The following OR5A1 variants were observed in gnomAD, a reference collection of about 807,000 sequenced individuals.
The protein encoded by OR5A1 is olfactory receptor 5A1.
A neutral mutation model predicts 6.7 loss-of-function variants in OR5A1; 6 were observed. The observed-to-expected ratio is 0.89, with a 90% confidence interval of 0.49 to 1.76. OR5A1 has a LOEUF of 1.76. Ranked by LOEUF, OR5A1 falls within the 40% of genes most tolerant of loss-of-function variation. OR5A1 has a pLI of 0.01. For synonymous variants in OR5A1, 170 were observed against 155.0 expected, an observed-to-expected ratio of 1.10 and a Z score of -0.72; for missense variants, 378 against 381.7, an observed-to-expected ratio of 0.99 and a Z score of 0.08.
rs1035183451 is a variant in OR5A1, at chr11:59,446,456, T to C, written c.*2340T>C. 2 of 152,236 alleles carry C rather than the reference T, an allele frequency of 1.3e-5. No homozygotes were observed. The highest frequency in any genetic ancestry group is 4.8e-5 in the African/African-American group (2 of 41,464). The allele number at this position is 152,236 out of a possible 1,614,324, so 9.4% of individuals were successfully genotyped here. A position where few individuals can be genotyped will look rare whatever the true frequency, so the allele number is the denominator to read the frequency against. The stretch of plus-strand genomic sequence containing the variant: ...TTTGTTCTTTTTGCTTAGGATTGTC[T>C]TGACTATACTAGCTCCTTGATTTTA... On this transcript the variant is annotated 3_prime_UTR_variant, in exon 2 of 2. Coordinates refer to ENST00000641045, the MANE Select transcript of OR5A1 (RefSeq NM_001004728.2).
At chr11:59,436,923 A>C (rs553006927) in intron 1 of OR5A1, 88 bp downstream of exon 1, 1 of 152,304 alleles carries the variant, frequency 6.6e-6, no homozygotes, top group South Asian at 2.1e-4. Flanking sequence ...TAGGTAACCA[A>C]TAAGTTCTTT....
rs965915572 is a variant in OR5A1, at chr11:59,446,888, G to A, written c.*2772G>A. ...GAATTAATTATTTCCTCCATATCTG[G>A]AAGAACATAAACAATGCATAGGAAA... On this transcript the variant is annotated 3_prime_UTR_variant, in exon 2 of 2. Coordinates refer to ENST00000641045, the MANE Select transcript of OR5A1 (RefSeq NM_001004728.2). The A allele has an allele frequency of 5.3e-5, 8 of 152,114 alleles. No homozygotes were observed. The highest frequency in any genetic ancestry group is 1.9e-4 in the African/African-American group (8 of 41,410). The allele number at this position is 152,114 out of a possible 1,614,324, so 9.4% of individuals were successfully genotyped here. A position where few individuals can be genotyped will look rare whatever the true frequency, so the allele number is the denominator to read the frequency against.
chr11:59,443,725 C>T lies in OR5A1; in HGVS notation c.557C>T (p.Pro186Leu), dbSNP rs138734219. The stretch of plus-strand genomic sequence containing the variant: ...AACCACTTCTTCTGCGACCTCCCAC[C>T]AGTCCTGGCTCTGTCTTGCTCTGAC... The part of the protein sequence containing the change: ...IINHFFCDLP[P>L]VLALSCSDTF... Residue 186 changes from proline to leucine, a missense_variant, in exon 2 of 2, where the codon CCA (proline) becomes CTA (leucine). Coordinates refer to ENST00000641045, the MANE Select transcript of OR5A1 (RefSeq NM_001004728.2). 7 of 1,614,010 alleles carry T rather than the reference C, an allele frequency of 4.3e-6. No individual in the cohort carries two copies. The African/African-American group carries it at 6.7e-5, about 15-fold the overall frequency.
rs1858510931 is a variant in OR5A1, at chr11:59,443,595, C to G, written c.427C>G (p.Leu143Val). The G allele has an allele frequency of 1.2e-6, 2 of 1,613,964 alleles. No individual in the cohort carries two copies. The highest frequency in any genetic ancestry group is 1.7e-5 in the Admixed American group (1 of 59,998). Residue 143 changes from leucine to valine, a missense_variant, in exon 2 of 2, where the codon CTC (leucine) becomes GTC (valine). Transcript: ENST00000641045. ...LLYPTIMTQG[L>V]CTRMVVGAYV... ...CTACCCCACTATCATGACCCAGGGC[C>G]TCTGTACACGCATGGTGGTTGGGGC...
Position 59,443,442 on chromosome 11 carries a change from C to CA in OR5A1, c.275dup (p.Lys93GlufsTer22). 6.2e-7 allele frequency: 1 copy of CA among 1,613,886 alleles called. No individual in the cohort carries two copies. The highest frequency in any genetic ancestry group is 8.5e-7 in the Non-Finnish European group (1 of 1,180,018). ...TATGCTCACTGACTTCTTCTGGGAG[C>CA]AGAAGACCATATCATTTGTGGGCTG... On this transcript the variant is annotated frameshift_variant, in exon 2 of 2. Transcript: ENST00000641045. LOFTEE classifies it high-confidence loss of function.
Position 59,443,185 on chromosome 11 carries a change from C to G in OR5A1, c.17C>G (p.Ala6Gly). The G allele has an allele frequency of 6.2e-7, 1 of 1,613,764 alleles. No individual in the cohort carries two copies. The highest frequency in any genetic ancestry group is 8.5e-7 in the Non-Finnish European group (1 of 1,179,788). MSITK[A>G]WNSSSVTMFI... ...ACGGGAAGCATGTCCATAACCAAAG[C>G]CTGGAACAGCTCATCAGTGACCATG... Residue 6 changes from alanine (A) to glycine (G), a missense_variant, in exon 2 of 2, where the codon GCC (alanine) becomes GGC (glycine). Coordinates refer to ENST00000641045, the MANE Select transcript of OR5A1 (RefSeq NM_001004728.2).
intron 1 of OR5A1, among the ~76,000 whole-genome samples, chr11:59,438,675 T>A (rs1470134030): frequency 1.3e-5 from 2 of 152,190 alleles, no homozygotes; most frequent in Non-Finnish European, 2.9e-5. Flanking sequence ...CTGAAGGAAC[T>A]TCTATGCCCT....
Position 59,443,954 on chromosome 11 carries a change from C to T in OR5A1, c.786C>T (p.Tyr262=), listed in dbSNP as rs765044724. The T allele has an allele frequency of 2.5e-6, 4 of 1,614,082 alleles. No individual in the cohort carries two copies. Among genetic ancestry groups the T allele is most frequent in the Non-Finnish European group, 3.4e-6 (4 of 1,179,998 alleles). ...TLLFGTALFV[Y]LRPSSSYLLG... is the part of the protein sequence containing the mutation. ...TGTTTGGGACAGCCCTTTTCGTGTA[C>T]TTGCGACCCAGCTCCAGCTACTTGC... The change falls in exon 2 of 2, where the codon TAC becomes TAT. Residue 262 remains tyrosine, a synonymous_variant. Transcript: ENST00000641045.
Position 59,448,686 on chromosome 11 carries a change from T to G in OR5A1, c.*4570T>G, listed in dbSNP as rs1471914485. On this transcript the variant is annotated 3_prime_UTR_variant, in exon 2 of 2. Coordinates refer to ENST00000641045, the MANE Select transcript of OR5A1 (RefSeq NM_001004728.2). ...GCCCTTTGGTGTGAATCATCACAGT[T>G]GTAAGTTCATGCTTGAGGGTGGGGT... The G allele has an allele frequency of 6.6e-6, 1 of 152,166 alleles. No homozygotes were observed. Among genetic ancestry groups the G allele is most frequent in the Non-Finnish European group, 1.5e-5 (1 of 68,038 alleles). 9.4% of individuals were successfully genotyped at this position (152,166 alleles called of 1,614,324 possible). A position where few individuals can be genotyped will look rare whatever the true frequency, so the allele number is the denominator to read the frequency against.
In OR5A1 at chr11:59,445,762, T is replaced by C. The variant is rs1383288368; in HGVS notation, c.*1646T>C. The C allele has an allele frequency of 6.6e-6, 1 of 152,206 alleles. No individual in the cohort carries two copies. The highest frequency in any genetic ancestry group is 1.5e-5 in the Non-Finnish European group (1 of 68,036). The allele number at this position is 152,206 out of a possible 1,614,324, so 9.4% of individuals were successfully genotyped here. ...TTATTTGCATTTCTCTAATAATTAG[T>C]GATGTTGAGCTTTTTTTCATATGTT... On this transcript the variant is annotated 3_prime_UTR_variant, in exon 2 of 2. Transcript: ENST00000641045.
chr11:59,440,845 A>G lies in OR5A1; in HGVS notation c.-33-2291A>G, dbSNP rs1344524792. On this transcript the variant is annotated intron_variant, in intron 1 of 1. Coordinates refer to ENST00000641045, the MANE Select transcript of OR5A1 (RefSeq NM_001004728.2). ...GATGAAGCTTAAAGTCATACCGACAATAGCGTGACTAATGTGATGAATATC... is the reference window on the plus strand; with the variant it reads ...GATGAAGCTTAAAGTCATACCGACAGTAGCGTGACTAATGTGATGAATATC... 2.0e-5 allele frequency among the ~76,000 whole-genome samples: 3 copies of G among 152,232 alleles called. No homozygotes were observed. The East Asian group carries it at 5.8e-4, about 29-fold the overall frequency.
chr11:59,448,296 A>G lies in OR5A1; in HGVS notation c.*4180A>G, dbSNP rs963160018. ...AAAAGGGAAGGAACTCCCCATACACATACTAAGATCTTTAAGGTTACTTCA... is the reference window on the plus strand; with the variant it reads ...AAAAGGGAAGGAACTCCCCATACACGTACTAAGATCTTTAAGGTTACTTCA... On this transcript the variant is annotated 3_prime_UTR_variant, in exon 2 of 2. Coordinates refer to ENST00000641045, the MANE Select transcript of OR5A1 (RefSeq NM_001004728.2). 6.6e-6 allele frequency: 1 copy of G among 152,116 alleles called. No individual in the cohort carries two copies. The highest frequency in any genetic ancestry group is 2.4e-5 in the African/African-American group (1 of 41,418). 9.4% of individuals were successfully genotyped at this position (152,116 alleles called of 1,614,324 possible).
chr11:59,439,205 A>G (rs1007364507), intron 1 of OR5A1, among the ~76,000 whole-genome samples: 2 of 152,198 alleles, frequency 1.3e-5, no homozygotes, highest in South Asian at 2.1e-4. Context: ...AATGAACAGA[A>G]TCATAAATCA....
Position 59,444,619 on chromosome 11 carries a change from A to G in OR5A1, c.*503A>G, listed in dbSNP as rs1488209573. 6.5e-6 allele frequency: 1 copy of G among 153,406 alleles called. No homozygotes were observed. The highest frequency in any genetic ancestry group is 1.5e-5 in the Non-Finnish European group (1 of 68,546). 9.5% of individuals were successfully genotyped at this position (153,406 alleles called of 1,614,324 possible). A position where few individuals can be genotyped will look rare whatever the true frequency, so the allele number is the denominator to read the frequency against. On this transcript the variant is annotated 3_prime_UTR_variant, in exon 2 of 2. Transcript: ENST00000641045. The stretch of plus-strand genomic sequence containing the variant: ...GCCCAAACGCTGCACTCCACATTCA[A>G]CAAAAAAATAGCCCAAAAGTAGTAC...
chr11:59,446,390 T>C lies in OR5A1; in HGVS notation c.*2274T>C, dbSNP rs1479886945. The C allele has an allele frequency of 6.6e-6, 1 of 152,226 alleles. No individual in the cohort carries two copies. Among genetic ancestry groups the C allele is most frequent in the Non-Finnish European group, 1.5e-5 (1 of 68,052 alleles). 9.4% of individuals were successfully genotyped at this position (152,226 alleles called of 1,614,324 possible). The stretch of plus-strand genomic sequence containing the variant: ...CCATGTTGTTTTGGTTACCATAGAC[T>C]TGTAGTATAGTTTGAAGTCAGGGAG... On this transcript the variant is annotated 3_prime_UTR_variant, in exon 2 of 2. Coordinates refer to ENST00000641045, the MANE Select transcript of OR5A1 (RefSeq NM_001004728.2).
At chr11:59,439,231 A>G (rs1382121016) in intron 1 of OR5A1, among the ~76,000 whole-genome samples, 1 of 152,176 alleles carries the variant, frequency 6.6e-6, no homozygotes, top group Non-Finnish European at 1.5e-5. Context: ...ACGAGTCCCC[A>G]TCAATTATCC....
Position 59,443,741 on chromosome 11 carries a change from T to G in OR5A1, c.573T>G (p.Ser191=), listed in dbSNP as rs765544423. The G allele has an allele frequency of 8.1e-6, 13 of 1,614,134 alleles. No individual in the cohort carries two copies. The highest frequency in any genetic ancestry group is 1.6e-4 in the Middle Eastern group (1 of 6,062). ...ACCTCCCACCAGTCCTGGCTCTGTC[T>G]TGCTCTGACACCTTCCTCAGTCAAG... ...FCDLPPVLAL[S]CSDTFLSQVV... Residue 191 remains serine, a synonymous_variant, in exon 2 of 2, where the codon TCT becomes TCG. Coordinates refer to ENST00000641045, the MANE Select transcript of OR5A1 (RefSeq NM_001004728.2).
Position 59,443,246 on chromosome 11 carries a change from C to G in OR5A1, c.78C>G (p.Leu26=). Residue 26 remains leucine (L), a synonymous_variant, in exon 2 of 2, where the codon CTC becomes CTG. Coordinates refer to ENST00000641045, the MANE Select transcript of OR5A1 (RefSeq NM_001004728.2). ...TGGGATTCACAGACCATCCAGAACT[C>G]CAGGCCCTCCTCTTTGTGACCTTCC... ...ILLGFTDHPE[L]QALLFVTFLG... 6.2e-7 allele frequency: 1 copy of G among 1,614,128 alleles called. No individual in the cohort carries two copies. Among genetic ancestry groups the G allele is most frequent in the Non-Finnish European group, 8.5e-7 (1 of 1,180,036 alleles).
In OR5A1 at chr11:59,441,942, A is replaced by AGAT. The variant is rs1057392224; in HGVS notation, c.-33-1193_-33-1191dup. Among the ~76,000 whole-genome samples, 10 of 41,732 alleles carry AGAT rather than the reference A, an allele frequency of 2.4e-4. No individual in the cohort carries two copies. In the Admixed American group the frequency reaches 2.5e-3, roughly 11 times the overall value. The allele number at this position is 41,732 out of a possible 152,430, so 27.4% of individuals were successfully genotyped here. On this transcript the variant is annotated intron_variant, in intron 1 of 1. Transcript: ENST00000641045. The stretch of plus-strand genomic sequence containing the variant: ...AGATAAAGATGGATAGAGAGATGAT[A>AGAT]GATAGATAGATAGATAGATAGATAG...
Sources: allele counts gnomAD v4.1 joint callset (sites outside exome capture counted in the v4.1 genomes callset), GRCh38; gene constraint gnomAD v4.1.1; transcripts MANE v1.5; gene names NCBI Gene and HGNC (gene_info 2026-07-23, HGNC 2026-07-21).